Variants in MSL3B observed in about 807,000 individuals in gnomAD.
MSL3B encodes the protein MSL complex subunit 3 pseudogene 1.
chr2:233,866,384 T>C, the MSL3B span: 3 of 953,846 alleles, frequency 3.1e-6, no homozygotes, highest in East Asian at 7.2e-5. Flanking sequence ...ACCTGGTGGG[T>C]AATTGTCAGG....
At chr2:233,866,995 G>T in the MSL3B span, 2 of 1,302,602 alleles carry the variant, frequency 1.5e-6, no homozygotes, top group South Asian at 2.4e-5. Flanking sequence ...GTGGCATAGC[G>T]TGATGGTGAC....
At chr2:233,867,173 A>G in the MSL3B span, 1 of 787,386 alleles carries the variant, frequency 1.3e-6, no homozygotes, top group Non-Finnish European at 2.4e-6. Flanking sequence ...AGGGATTTCT[A>G]GAGTTACTGT....
the MSL3B span, chr2:233,867,505 C>T: frequency 9.5e-6 from 3 of 316,320 alleles, no homozygotes; most frequent in South Asian, 5.8e-5. Context: ...ACAAGAGTTT[C>T]GGTATTGTTG....
the MSL3B span, chr2:233,868,168 A>G: frequency 4.6e-6 from 2 of 437,124 alleles, no homozygotes; most frequent in South Asian, 1.8e-5. Context: ...AACCGTTACA[A>G]CGGATCAGCT....
the MSL3B span, among the ~76,000 whole-genome samples, chr2:233,864,960 C>T: frequency 6.6e-6 from 1 of 152,138 alleles, no homozygotes; most frequent in Admixed American, 6.5e-5. Context: ...ACCAAAAATA[C>T]ATCCAGCTTT....
chr2:233,867,523 T>C, the MSL3B span: 1 of 298,670 alleles, frequency 3.3e-6, no homozygotes, highest in Non-Finnish European at 6.3e-6. Flanking sequence ...TTGCCCAGGA[T>C]GGAGTGCGGT....
the MSL3B span, chr2:233,866,458 C>T: frequency 1.6e-6 from 2 of 1,266,478 alleles, no homozygotes; most frequent in East Asian, 4.6e-5. Context: ...AGCCAGCAAA[C>T]ACAGGACTCC....
the MSL3B span, among the ~76,000 whole-genome samples, chr2:233,865,084 T>A: frequency 6.6e-6 from 1 of 152,222 alleles, no homozygotes; most frequent in African/African-American, 2.4e-5. Context: ...GGGCTTTCTA[T>A]TAGGATCACA....
At chr2:233,866,411 AGG>A in the MSL3B span, 1 of 1,134,510 alleles carries the variant, frequency 8.8e-7, no homozygotes, top group East Asian at 2.4e-5. Context: ...CTTCCAGGAG[AGG>A]ACCTCATTTA....
the MSL3B span, chr2:233,866,995 G>A: frequency 2.1e-5 from 27 of 1,302,488 alleles, no homozygotes; most frequent in African/African-American, 2.9e-5. Flanking sequence ...GTGGCATAGC[G>A]TGATGGTGAC....
the MSL3B span, chr2:233,865,642 T>A: frequency 6.5e-6 from 1 of 152,954 alleles, no homozygotes; most frequent in East Asian, 1.9e-4. Flanking sequence ...TTGCCATCAA[T>A]ATGGATTCCC....
At chr2:233,868,370 C>T in the MSL3B span, 1 of 159,524 alleles carries the variant, frequency 6.3e-6, no homozygotes, top group Non-Finnish European at 1.4e-5. Flanking sequence ...CGTCCGCGTC[C>T]CGGGCGCACA....
chr2:233,867,029 G>A, the MSL3B span: 80 of 1,260,946 alleles, frequency 6.3e-5, no homozygotes, highest in Non-Finnish European at 8.7e-5. Context: ...GGCTGAAAAG[G>A]CTGCACTGAT....
the MSL3B span, chr2:233,867,338 T>C: frequency 1.5e-6 from 1 of 645,880 alleles, no homozygotes; most frequent in East Asian, 2.7e-5. Flanking sequence ...ATTTTTTTCT[T>C]CGATGGAGAG....
the MSL3B span, chr2:233,866,178 CAGCGACGTA>C: frequency 1.6e-6 from 1 of 636,352 alleles, no homozygotes; most frequent in Non-Finnish European, 3.1e-6. Context: ...ACCTCAGAGG[CAGCGACGTA>C]AGCTGACTCT....
chr2:233,868,217 A>G, the MSL3B span: 1 of 451,232 alleles, frequency 2.2e-6, no homozygotes, highest in African/African-American at 2.1e-5. Flanking sequence ...TTTCCCAACA[A>G]TAACATTAAC....
chr2:233,867,090 A>G, the MSL3B span: 1 of 1,123,456 alleles, frequency 8.9e-7, no homozygotes. Flanking sequence ...TTGGTGTGGC[A>G]TGGAAGTTGC....
chr2:233,867,361 AAGAC>A, the MSL3B span: 8 of 600,942 alleles, frequency 1.3e-5, no homozygotes, highest in Admixed American at 2.9e-5. Flanking sequence ...CTTTTAAAAA[AAGAC>A]AGAGTCAGCA....
chr2:233,867,268 T>G, the MSL3B span: 3 of 749,834 alleles, frequency 4.0e-6, no homozygotes, highest in South Asian at 4.3e-5. Flanking sequence ...CTTCACTTAT[T>G]TTTTCATCCT....
Sources: gnomAD v4.1 joint callset for allele counts (sites outside exome capture counted in the v4.1 genomes callset) on GRCh38, gnomAD v4.1.1 for gene constraint, MANE v1.5 for transcripts, NCBI Gene and HGNC (gene_info 2026-07-23, HGNC 2026-07-21) for gene names.